The following SMG8 variants were observed in gnomAD, a reference collection of about 807,000 sequenced individuals.
SMG8 encodes nonsense-mediated mRNA decay factor SMG8.
SMG8 carries 49 observed loss-of-function variants against 82.1 expected under a neutral mutation model. The observed-to-expected ratio is 0.60, with a 90% CI of 0.47 to 0.76. SMG8 has a LOEUF of 0.76. SMG8 is among the 30% of genes least tolerant of loss of function. The probability of loss-of-function intolerance (pLI) is 0.00; values close to 1 mark genes in which losing one functional copy is unlikely to be tolerated. For synonymous variants in SMG8, 404 were observed against 430.0 expected (o/e 0.94, Z 0.75); for missense variants, 969 against 1,166.4 (o/e 0.83, Z 2.46).
chr17:59,210,555 T>A lies in SMG8; in HGVS notation c.504T>A (p.Ala168=). 1 of 1,567,892 alleles carries A rather than the reference T, an allele frequency of 6.4e-7. No homozygotes were observed. The highest frequency in any genetic ancestry group is 8.6e-7 in the Non-Finnish European group (1 of 1,160,362). The stretch of plus-strand genomic sequence containing the variant: ...CACAGCTTCTCCGGGCTTGTCGGGC[T>A]CTTCAGAGCGGGGAAGCTGGAGGTG... ...DNSQLLRACR[A]LQSGEAGGGL... The change falls in exon 1 of 4, where the codon GCT becomes GCA. Residue 168 remains alanine (A), a synonymous_variant. Transcript: ENST00000300917.
Position 59,210,799 on chromosome 17 carries a change from G to C in SMG8, c.748G>C (p.Val250Leu), listed in dbSNP as rs201168751. Residue 250 changes from valine (V) to leucine (L), a missense_variant, in exon 1 of 4, where the codon GTT becomes CTT. By Grantham distance (32) the Val-to-Leu change is conservative. Transcript: ENST00000300917. ...TAAAACAGCCATTAAGGATTGTCCA[G>C]TTGGCAAAGACTGGAAGCTAAACTG... is the stretch of plus-strand genomic sequence containing the variant. ...LLKTAIKDCPVGKDWKLNCRP... is the reference protein window; with the variant it reads ...LLKTAIKDCPLGKDWKLNCRP... 193 of 1,614,046 alleles carry C rather than the reference G, an allele frequency of 1.2e-4. No homozygotes were observed. The highest frequency in any genetic ancestry group is 1.8e-4 in the Admixed American group (11 of 59,988).
rs752287143 is a variant in SMG8, at chr17:59,211,230, C to G, written c.1179C>G (p.His393Gln). 3 of 1,614,226 alleles carry G rather than the reference C, an allele frequency of 1.9e-6. No homozygotes were observed. The South Asian group carries it at 3.3e-5, about 18-fold the overall frequency. ...RQHSRQQLSF[H>Q]IDSSSSSSSG... ...ACAGCCGACAACAACTTTCCTTTCA[C>G]ATTGACAGCAGCAGTTCCAGTTCTT... The change falls in exon 1 of 4, where the codon CAC becomes CAG. Residue 393 changes from histidine to glutamine, a missense_variant. Coordinates refer to ENST00000300917, the MANE Select transcript of SMG8 (RefSeq NM_018149.7).
At position 59,215,049 on chromosome 17, in the gene SMG8, T is replaced by G. The variant is rs767973688; in HGVS notation, c.*47T>G. 1.2e-6 allele frequency: 1 copy of G among 854,896 alleles called. No individual in the cohort carries two copies. The highest frequency in any genetic ancestry group is 1.3e-5 in the South Asian group (1 of 74,900). The allele number at this position is 854,896 out of a possible 1,614,324, so 53.0% of individuals were successfully genotyped here. A position where few individuals can be genotyped will look rare whatever the true frequency, so the allele number is the denominator to read the frequency against. ...CCTATACTTGAGCTGGTTTTTGTTT[T>G]TGGTATTTGTGGCTGTGTTTTTGGT... is the stretch of plus-strand genomic sequence containing the variant. On this transcript the variant is annotated 3_prime_UTR_variant, in exon 4 of 4. Coordinates refer to ENST00000300917, the MANE Select transcript of SMG8 (RefSeq NM_018149.7).
chr17:59,213,599 C>G lies in SMG8; in HGVS notation c.2776C>G (p.Gln926Glu). The change falls in exon 3 of 4, where the codon CAG becomes GAG. Residue 926 changes from glutamine (Q) to glutamate (E), a missense_variant and splice_region_variant. By Grantham distance (29) the Gln-to-Glu change is conservative. Coordinates refer to ENST00000300917, the MANE Select transcript of SMG8 (RefSeq NM_018149.7). ...DAPLQIILMPQVQPGPPPCPV... is the reference protein window; with the variant it reads ...DAPLQIILMPEVQPGPPPCPV... ...TCCTTTGCAGATAATACTAATGCCT[C>G]AGGTAAGAAATATAACCCTCTGCAG... The G allele has an allele frequency of 6.3e-7, 1 of 1,599,118 alleles. No homozygotes were observed.
Position 59,211,501 on chromosome 17 carries a change from G to T in SMG8, c.1450G>T (p.Val484Phe). The T allele has an allele frequency of 6.2e-7, 1 of 1,613,968 alleles. No individual in the cohort carries two copies. The highest frequency in any genetic ancestry group is 8.5e-7 in the Non-Finnish European group (1 of 1,179,978). ...ATCTAAGATTTTAAGCAGTATTAAA[G>T]TCTTGGAAGGATTTTTGGATATTGA... ...LTSKILSSIK[V>F]LEGFLDIDTK... The change falls in exon 1 of 4, where the codon GTC (valine) becomes TTC (phenylalanine). Residue 484 changes from valine to phenylalanine, a missense_variant. Around this residue, in one of 3 missense-constraint regions of SMG8, gnomAD observed 662 missense variants for 884.8 expected, o/e 0.75. Coordinates refer to ENST00000300917, the MANE Select transcript of SMG8 (RefSeq NM_018149.7).
rs1327941300 is a variant in SMG8, at chr17:59,210,678, C to T, written c.627C>T (p.Ile209=). Residue 209 remains isoleucine (I), a synonymous_variant, in exon 1 of 4, where the codon ATC becomes ATT. Transcript: ENST00000300917. The part of the protein sequence containing the change: ...SLLYLFSVCH[I]LLLVHPTCSF... ...TTTACCTATTCTCTGTCTGTCATAT[C>T]TTGCTTCTGGTCCATCCCACTTGTT... 6 of 1,614,136 alleles carry T rather than the reference C, an allele frequency of 3.7e-6. No individual in the cohort carries two copies. The highest frequency in any genetic ancestry group is 2.2e-5 in the South Asian group (2 of 91,076).
At chr17:59,214,631 A>G (rs1431411674) in intron 3 of SMG8, among the ~76,000 whole-genome samples, 174 bp from the exon 4 acceptor site, 2 of 151,546 alleles carry the variant, frequency 1.3e-5, no homozygotes, top group African/African-American at 4.8e-5. Context: ...CTGGTCTCGA[A>G]CTCCTGACCT....
In SMG8 at chr17:59,211,088, A is replaced by T; in HGVS notation, c.1037A>T (p.Asp346Val). The change falls in exon 1 of 4, where the codon GAC becomes GTC. Residue 346 changes from aspartate (D) to valine (V), a missense_variant. Physicochemically the swap from Asp to Val is radical, Grantham distance 152. Coordinates refer to ENST00000300917, the MANE Select transcript of SMG8 (RefSeq NM_018149.7). ...ATAGTACCGGGAAGCCAGGAGGAGG[A>T]CCCAGTAGGTATGTTGCTGGACCAA... is the stretch of plus-strand genomic sequence containing the variant. ...VYIVPGSQEE[D>V]PVGMLLDQLR... The T allele has an allele frequency of 6.2e-7, 1 of 1,614,184 alleles. No homozygotes were observed. The highest frequency in any genetic ancestry group is 8.5e-7 in the Non-Finnish European group (1 of 1,180,054).
rs747300252 is a variant in SMG8 at position 59,214,861 on chromosome 17, C to T, written c.2835C>T (p.Thr945=). Residue 945 remains threonine (T), a synonymous_variant, in exon 4 of 4, where the codon ACC becomes ACT. Coordinates refer to ENST00000300917, the MANE Select transcript of SMG8 (RefSeq NM_018149.7). ...PVFYPEKQEI[T]LPPDGLWVLR... Reference sequence around the variant, plus strand: ...TCTACCCAGAAAAACAAGAAATCACCCTTCCACCTGATGGCCTTTGGGTTT... The same window carrying T: ...TCTACCCAGAAAAACAAGAAATCACTCTTCCACCTGATGGCCTTTGGGTTT... 1 of 872,932 alleles carries T rather than the reference C, an allele frequency of 1.1e-6. No individual in the cohort carries two copies. Among genetic ancestry groups the T allele is most frequent in the Admixed American group, 1.7e-5 (1 of 59,166 alleles). 54.1% of individuals were successfully genotyped at this position (872,932 alleles called of 1,614,324 possible). A position where few individuals can be genotyped will look rare whatever the true frequency, so the allele number is the denominator to read the frequency against.
intron 3 of SMG8, 71 bp downstream of exon 3, chr17:59,213,672 A>T: frequency 6.6e-7 from 1 of 1,508,174 alleles, no homozygotes; most frequent in Non-Finnish European, 8.9e-7. Context: ...TGATTTTAAA[A>T]AGTACAAGTT....
chr17:59,215,197 CT>C lies in SMG8; in HGVS notation c.*198del. 5.8e-6 allele frequency: 3 copies of C among 516,162 alleles called. No individual in the cohort carries two copies. The highest frequency in any genetic ancestry group is 1.0e-5 in the Non-Finnish European group (3 of 291,602). 32.0% of individuals were successfully genotyped at this position (516,162 alleles called of 1,614,324 possible). On this transcript the variant is annotated 3_prime_UTR_variant, in exon 4 of 4. Transcript: ENST00000300917. ...ATATTTATTGTAAACGTGACTACAA[CT>C]TTCTAATAAAGATTGGTTGTTCTAG...
In SMG8 at chr17:59,215,082, T is replaced by G; in HGVS notation, c.*80T>G. 1.3e-6 allele frequency: 1 copy of G among 792,416 alleles called. No homozygotes were observed. Among genetic ancestry groups the G allele is most frequent in the South Asian group, 1.5e-5 (1 of 66,454 alleles). 49.1% of individuals were successfully genotyped at this position (792,416 alleles called of 1,614,324 possible). A position where few individuals can be genotyped will look rare whatever the true frequency, so the allele number is the denominator to read the frequency against. ...TGTGGCTGTGTTTTTGGTATGTGTT[T>G]ACTGTGTTTTCCCAAATCCAAAATG... On this transcript the variant is annotated 3_prime_UTR_variant, in exon 4 of 4. Coordinates refer to ENST00000300917, the MANE Select transcript of SMG8 (RefSeq NM_018149.7).
In SMG8 at chr17:59,210,773, T is replaced by C; in HGVS notation, c.722T>C (p.Leu241Pro). 6.2e-7 allele frequency: 1 copy of C among 1,614,176 alleles called. No individual in the cohort carries two copies. The highest frequency in any genetic ancestry group is 8.5e-7 in the Non-Finnish European group (1 of 1,180,042). Residue 241 changes from leucine to proline, a missense_variant, in exon 1 of 4, where the codon CTT becomes CCT. Physicochemically the swap from Leu to Pro is moderately conservative, Grantham distance 98. Around this residue, in one of 3 missense-constraint regions of SMG8, gnomAD observed 662 missense variants for 884.8 expected, o/e 0.75. Transcript: ENST00000300917. ...DGLRQKVLPL[L>P]KTAIKDCPVG... is the part of the protein sequence containing the mutation. ...CTGAGACAGAAGGTCCTGCCGCTCC[T>C]TAAAACAGCCATTAAGGATTGTCCA... is the stretch of plus-strand genomic sequence containing the variant.
In SMG8 at chr17:59,215,121, G is replaced by C. The variant is rs2046961904; in HGVS notation, c.*119G>C. ...AAATCCAAAATGTGTTTTGGTTACA[G>C]GAGTTCAGTATTTGGAAACTAATTT... is the stretch of plus-strand genomic sequence containing the variant. On this transcript the variant is annotated 3_prime_UTR_variant, in exon 4 of 4. Coordinates refer to ENST00000300917, the MANE Select transcript of SMG8 (RefSeq NM_018149.7). 1.6e-6 allele frequency: 1 copy of C among 642,244 alleles called. No homozygotes were observed. The highest frequency in any genetic ancestry group is 1.8e-5 in the African/African-American group (1 of 55,658). The allele number at this position is 642,244 out of a possible 1,614,324, so 39.8% of individuals were successfully genotyped here.
In SMG8 at chr17:59,215,008, T is replaced by C. The variant is rs761996567; in HGVS notation, c.*6T>C. On this transcript the variant is annotated 3_prime_UTR_variant, in exon 4 of 4. Coordinates refer to ENST00000300917, the MANE Select transcript of SMG8 (RefSeq NM_018149.7). ...TTAAGGCAGTAACACAATAAGTGTTTTCCAGCCAGTTCAATCCTATACTTG... is the reference window on the plus strand; with the variant it reads ...TTAAGGCAGTAACACAATAAGTGTTCTCCAGCCAGTTCAATCCTATACTTG... 1 of 872,204 alleles carries C rather than the reference T, an allele frequency of 1.1e-6. No homozygotes were observed. Among genetic ancestry groups the C allele is most frequent in the East Asian group, 2.4e-5 (1 of 41,692 alleles). 54.0% of individuals were successfully genotyped at this position (872,204 alleles called of 1,614,324 possible). A position where few individuals can be genotyped will look rare whatever the true frequency, so the allele number is the denominator to read the frequency against.
chr17:59,212,596 AG>A (rs2083657784), intron 2 of SMG8, 110 bp downstream of exon 2: 1 of 1,457,498 alleles, frequency 6.9e-7, no homozygotes, highest in Admixed American at 2.2e-5. Flanking sequence ...ATGCAACTGC[AG>A]TATAATATAT....
At position 59,210,051 on chromosome 17, in the gene SMG8, T is replaced by A; in HGVS notation, c.-1T>A. 1.3e-6 allele frequency: 2 copies of A among 1,549,166 alleles called. No individual in the cohort carries two copies. Among genetic ancestry groups the A allele is most frequent in the Non-Finnish European group, 1.7e-6 (2 of 1,154,830 alleles). On this transcript the variant is annotated 5_prime_UTR_variant, in exon 1 of 4. Transcript: ENST00000300917. ...AAGGACTCTAGAGAACGCTCTGCAC[T>A]ATGGCTGGTCCCGTGAGCTTGCGAG...
At position 59,211,604 on chromosome 17, in the gene SMG8, A is replaced by G. The variant is rs763787141; in HGVS notation, c.1553A>G (p.Asn518Ser). ...HSAYQSNLPH[N>S]YTMTVHKNQL... ...GCCTACCAGTCAAATTTGCCTCATAATTACACAATGACTGTCCATAAGAAT... is the reference window on the plus strand; with the variant it reads ...GCCTACCAGTCAAATTTGCCTCATAGTTACACAATGACTGTCCATAAGAAT... The change falls in exon 1 of 4, where the codon AAT becomes AGT. Residue 518 changes from asparagine (N) to serine (S), a missense_variant. By Grantham distance (46) the Asn-to-Ser change is conservative (BLOSUM62 1). Transcript: ENST00000300917. The G allele has an allele frequency of 6.2e-7, 1 of 1,614,156 alleles. No individual in the cohort carries two copies. Among genetic ancestry groups the G allele is most frequent in the Non-Finnish European group, 8.5e-7 (1 of 1,180,036 alleles).
rs143473864 is a variant in SMG8, at chr17:59,212,369, G to A, written c.1788G>A (p.Pro596=). The A allele has an allele frequency of 9.9e-5, 157 of 1,581,626 alleles. No homozygotes were observed. The highest frequency in any genetic ancestry group is 7.1e-4 in the Admixed American group (42 of 59,344). The part of the protein sequence containing the change: ...SGEKPEADRN[P]PVLYHNSRAR... Reference sequence around the variant, plus strand: ...AAAAACCAGAGGCTGATAGAAATCCGCCTGTGCTATATCACAATAGCCGAG... The same window carrying A: ...AAAAACCAGAGGCTGATAGAAATCCACCTGTGCTATATCACAATAGCCGAG... Residue 596 remains proline (P), a synonymous_variant, in exon 2 of 4, where the codon CCG becomes CCA. Coordinates refer to ENST00000300917, the MANE Select transcript of SMG8 (RefSeq NM_018149.7).
Sources: gnomAD v4.1 joint callset for allele counts (sites outside exome capture counted in the v4.1 genomes callset) on GRCh38, gnomAD v4.1.1 for gene constraint, gnomAD v4.1.1 regional missense constraint, MANE v1.5 for transcripts, NCBI Gene and HGNC (gene_info 2026-07-23, HGNC 2026-07-21) for gene names.